The following KANSL1L variants were observed in gnomAD, a reference collection of about 807,000 sequenced individuals.
KANSL1L encodes the protein KAT8 regulatory NSL complex subunit 1 like.
Under a neutral mutation model 108.6 loss-of-function variants are expected in KANSL1L, and 25 were observed. That is an observed-to-expected ratio of 0.23 (90% CI 0.17 to 0.32). The LOEUF is 0.32. KANSL1L is among the 10% of genes least tolerant of loss of function. The probability of loss-of-function intolerance (pLI) is 1.00; values close to 1 mark genes in which losing one functional copy is unlikely to be tolerated. For synonymous variants in KANSL1L, 405 were observed against 395.1 expected (o/e 1.03, Z -0.30); for missense variants, 1,137 against 1,125.7 (o/e 1.01, Z -0.14).
intron 8 of KANSL1L, among the ~76,000 whole-genome samples, chr2:210,034,950 T>A (rs2094080594): frequency 6.6e-6 from 1 of 152,220 alleles, no homozygotes; most frequent in Admixed American, 6.5e-5. Context: ...TTGCTTTACC[T>A]CCTTCTTTCA....
chr2:210,044,117 AC>A lies in KANSL1L; in HGVS notation c.1756-14del. On this transcript the variant is annotated splice_polypyrimidine_tract_variant and intron_variant, in intron 6 of 14. Coordinates refer to ENST00000281772, the MANE Select transcript of KANSL1L (RefSeq NM_152519.4). This position sits in a 1 kb window ranked among gnomAD's most constrained non-coding sequence, Gnocchi z 4.2. The stretch of plus-strand genomic sequence containing the variant: ...TTGAAGGCAAAGTCTGCAAGGAAAA[AC>A]CGTATTAGAATATCACAGCCAAAGC... 6.4e-7 allele frequency: 1 copy of A among 1,561,218 alleles called. No homozygotes were observed.
upstream of KANSL1L, chr2:210,171,487 G>T: frequency 6.5e-6 from 1 of 154,632 alleles, no homozygotes; most frequent in South Asian, 1.8e-4. Flanking sequence ...GCGGGTGGCG[G>T]GGAAACCCCG....
intron 6 of KANSL1L, among the ~76,000 whole-genome samples, chr2:210,072,745 A>G (rs1176625765): frequency 6.6e-6 from 1 of 151,956 alleles, no homozygotes; most frequent in Non-Finnish European, 1.5e-5. Context: ...TGTGTGACCT[A>G]TTTCTAACAT....
intron 12 of KANSL1L, among the ~76,000 whole-genome samples, chr2:210,025,587 G>A (rs73005332): frequency 0.016 from 2,456 of 152,276 alleles, 36 homozygotes; most frequent in Non-Finnish European, 0.023. Context: ...GTTTCAAAGA[G>A]TTTCTCATGT....
intron 1 of KANSL1L, among the ~76,000 whole-genome samples, chr2:210,156,351 A>G (rs1164314009): frequency 2.6e-5 from 4 of 152,110 alleles, no homozygotes. Flanking sequence ...ACAATGTAGA[A>G]AATGTGTTTG....
chr2:210,170,489 T>G (rs978083488), intron 1 of KANSL1L: 1 of 572,674 alleles, frequency 1.7e-6, no homozygotes, highest in African/African-American at 2.0e-5. Flanking sequence ...GCCTGGTATT[T>G]CTTGCTACCA....
In KANSL1L at chr2:210,026,401, A is replaced by G. The variant is rs1364575935; in HGVS notation, c.2451+895T>C. On this transcript the variant is annotated intron_variant, in intron 12 of 14. Transcript: ENST00000281772. ...TTACCTGCAATTCCAAAATCCAAAAATCTGCAAAAACAAATTTTTCATAAT... is the reference window on the plus strand; with the variant it reads ...TTACCTGCAATTCCAAAATCCAAAAGTCTGCAAAAACAAATTTTTCATAAT... 53 of 152,228 alleles carry G rather than the reference A, an allele frequency of 3.5e-4. 1 individual carries two copies. The highest frequency in any genetic ancestry group is 3.4e-3 in the Admixed American group (52 of 15,286). The allele number at this position is 152,228 out of a possible 1,614,324, so 9.4% of individuals were successfully genotyped here.
At chr2:210,151,578 A>C (rs1220221581) in intron 2 of KANSL1L, 1 of 152,230 alleles carries the variant, frequency 6.6e-6, no homozygotes, top group African/African-American at 2.4e-5. Context: ...GTTTAGAGTC[A>C]TATATATGAG....
At chr2:210,076,643 T>A (rs2094544347) in intron 5 of KANSL1L, among the ~76,000 whole-genome samples, 1 of 151,830 alleles carries the variant, frequency 6.6e-6, no homozygotes, top group Non-Finnish European at 1.5e-5. Context: ...AAGCTACACA[T>A]GAAAAGAGCA....
At chr2:210,147,859 T>G (rs1114842) in intron 2 of KANSL1L, among the ~76,000 whole-genome samples, 1 of 152,208 alleles carries the variant, frequency 6.6e-6, no homozygotes, top group Non-Finnish European at 1.5e-5. Context: ...CTGGATCACC[T>G]TGCTTTTCAG....
chr2:210,096,955 T>G (rs967934556), intron 5 of KANSL1L: 2 of 263,636 alleles, frequency 7.6e-6, no homozygotes, highest in African/African-American at 4.6e-5. Context: ...ATTTATTTAT[T>G]TTTTTGGAGA....
chr2:210,103,642 G>A (rs2094817634), intron 4 of KANSL1L, among the ~76,000 whole-genome samples: 1 of 152,144 alleles, frequency 6.6e-6, no homozygotes, highest in Non-Finnish European at 1.5e-5. Flanking sequence ...TGGAATCAAA[G>A]TAATTGTTAG....
chr2:210,071,947 A>AT (rs2094510780), intron 6 of KANSL1L, among the ~76,000 whole-genome samples: 1 of 152,226 alleles, frequency 6.6e-6, no homozygotes, highest in African/African-American at 2.4e-5. Context: ...TGCCTTAGCC[A>AT]TTTTACCCTT....
At chr2:210,170,264 A>C in intron 1 of KANSL1L, 1 of 606,466 alleles carries the variant, frequency 1.6e-6, no homozygotes, top group Non-Finnish European at 2.1e-6. Context: ...AAGACGAAGG[A>C]AGTTTGTCTC....
chr2:210,140,164 G>C lies in KANSL1L; in HGVS notation c.1089-10992C>G, dbSNP rs550049055. Among the ~76,000 whole-genome samples, 79 of 152,190 alleles carry C rather than the reference G, an allele frequency of 5.2e-4. 1 individual carries two copies. The South Asian group carries it at 0.016, about 30-fold the overall frequency. ...TCTTCACTCTGCTGTTTCTTTTGCT[G>C]TGTCAAACCTTTTTAGTTTGATGCA... is the stretch of plus-strand genomic sequence containing the variant. On this transcript the variant is annotated intron_variant, in intron 2 of 14. Coordinates refer to ENST00000281772, the MANE Select transcript of KANSL1L (RefSeq NM_152519.4).
chr2:210,113,613 A>C (rs1007584045), intron 3 of KANSL1L, among the ~76,000 whole-genome samples: 6 of 152,164 alleles, frequency 3.9e-5, no homozygotes, highest in African/African-American at 1.4e-4. Context: ...AGGATGGAAG[A>C]TCTATTAGAC....
At chr2:210,169,754 G>A (rs566796966) in intron 1 of KANSL1L, among the ~76,000 whole-genome samples, 2 of 152,292 alleles carry the variant, frequency 1.3e-5, no homozygotes, top group Non-Finnish European at 1.5e-5. Flanking sequence ...GAAACTGAGG[G>A]AGAACCAAAG....
At chr2:210,151,474 T>C (rs2095303305) in intron 2 of KANSL1L, 1 of 152,256 alleles carries the variant, frequency 6.6e-6, no homozygotes, top group African/African-American at 2.4e-5. Flanking sequence ...TTTTCAGACT[T>C]CTTTCAGAAC....
In KANSL1L at chr2:210,021,473, G is replaced by A. The variant is rs1012408973; in HGVS notation, c.*1476C>T. The A allele has an allele frequency of 6.6e-6, 1 of 152,518 alleles. No individual in the cohort carries two copies. The highest frequency in any genetic ancestry group is 1.5e-5 in the Non-Finnish European group (1 of 67,968). 9.4% of individuals were successfully genotyped at this position (152,518 alleles called of 1,614,324 possible). Reference sequence around the variant, plus strand: ...ACTTACATAGAAGATTATAATATCAGACGTGACAAAGATTTGAGTTTATTT... The same window carrying A: ...ACTTACATAGAAGATTATAATATCAAACGTGACAAAGATTTGAGTTTATTT... On this transcript the variant is annotated 3_prime_UTR_variant, in exon 15 of 15. Transcript: ENST00000281772.
Sources: gnomAD v4.1 joint callset for allele counts (sites outside exome capture counted in the v4.1 genomes callset) on GRCh38, gnomAD v4.1.1 for gene constraint, Gnocchi (gnomAD v3.1) non-coding constraint, MANE v1.5 for transcripts, NCBI Gene and HGNC (gene_info 2026-07-23, HGNC 2026-07-21) for gene names.